Variants in DEPDC5 observed in about 807,000 individuals in gnomAD.
DEPDC5 encodes the protein DEP domain containing 5, GATOR1 subcomplex subunit, also known as GATOR1 complex protein DEPDC5.
DEPDC5 carries 73 observed loss-of-function variants against 217.3 expected under a neutral mutation model. The ratio of observed to expected loss-of-function variants is 0.34; its 90% CI spans 0.28 to 0.41. DEPDC5 has a LOEUF of 0.41. DEPDC5 is among the 10% of genes least tolerant of loss of function. The probability of loss-of-function intolerance (pLI) is 1.00; values close to 1 mark genes in which losing one functional copy is unlikely to be tolerated. For missense variants in DEPDC5, 1,675 were observed against 2,070.1 expected (o/e 0.81, Z 3.70); for synonymous variants, 733 against 756.7 (o/e 0.97, Z 0.51).
chr22:31,758,625 T>C lies in DEPDC5; in HGVS notation c.138T>C (p.Asp46=). The C allele has an allele frequency of 1.9e-6, 3 of 1,613,974 alleles. No homozygotes were observed. Among genetic ancestry groups the C allele is most frequent in the Non-Finnish European group, 2.5e-6 (3 of 1,179,892 alleles). ...GDIVEIAHPN[D]EYSPLLLQVK... ...TTGTAGAGATTGCACACCCCAACGA[T>C]GAATACAGGTGAGTGTCTCATAGGA... is the stretch of plus-strand genomic sequence containing the variant. Residue 46 remains aspartate (D), a synonymous_variant, in exon 3 of 43, where the codon GAT becomes GAC. Transcript: ENST00000651528.
At chr22:31,864,812 C>T (rs747064014) in intron 33 of DEPDC5, among the ~76,000 whole-genome samples, 18 of 152,148 alleles carry the variant, frequency 1.2e-4, no homozygotes, top group Middle Eastern at 3.4e-3. Context: ...CCTCAGCCTC[C>T]CAGGTAGCTA....
chr22:31,800,866 C>T (rs901008766), intron 14 of DEPDC5, among the ~76,000 whole-genome samples: 1 of 151,970 alleles, frequency 6.6e-6, no homozygotes, highest in African/African-American at 2.4e-5. Context: ...ATCTCAGCTA[C>T]TCAGGAGGCT....
chr22:31,805,651 C>T (rs1349345253), intron 17 of DEPDC5, among the ~76,000 whole-genome samples: 11 of 152,230 alleles, frequency 7.2e-5, no homozygotes, highest in African/African-American at 2.4e-4. Context: ...CAGGTGCCTG[C>T]CGCCACGCCC....
intron 33 of DEPDC5, 127 bp from the exon 34 acceptor site, chr22:31,870,463 G>A: frequency 9.4e-7 from 1 of 1,065,174 alleles, no homozygotes; most frequent in Non-Finnish European, 1.3e-6. Context: ...AGAATGGGAA[G>A]GATTGCATTA....
At chr22:31,828,910 T>G (rs2090374213) in intron 24 of DEPDC5, among the ~76,000 whole-genome samples, 1 of 152,270 alleles carries the variant, frequency 6.6e-6, no homozygotes, top group African/African-American at 2.4e-5. Flanking sequence ...AGCCGTCTTG[T>G]GGGGGATTGA....
At chr22:31,805,712 C>T (rs930147152) in intron 17 of DEPDC5, among the ~76,000 whole-genome samples, 6 of 151,968 alleles carry the variant, frequency 3.9e-5, no homozygotes, top group African/African-American at 1.5e-4. Flanking sequence ...TGTTGGCCAA[C>T]CTGGTCTTGA....
At chr22:31,826,127 C>T (rs1354100799) in intron 24 of DEPDC5, among the ~76,000 whole-genome samples, 1 of 152,102 alleles carries the variant, frequency 6.6e-6, no homozygotes, top group Non-Finnish European at 1.5e-5. Flanking sequence ...CTGCCTCAGC[C>T]TCCCAAGTAG....
chr22:31,883,634 T>G (rs1345232551), intron 38 of DEPDC5, among the ~76,000 whole-genome samples: 1 of 152,222 alleles, frequency 6.6e-6, no homozygotes, highest in East Asian at 1.9e-4. Flanking sequence ...TTTAGGAAAC[T>G]GTGAGGCTCA....
chr22:31,879,067 T>TACAC (rs1190686323), intron 37 of DEPDC5, among the ~76,000 whole-genome samples: 30 of 133,956 alleles, frequency 2.2e-4, no homozygotes, highest in African/African-American at 8.1e-4. Context: ...TATATATATA[T>TACAC]ACACACACAC....
intron 2 of DEPDC5, 77 bp downstream of exon 2, chr22:31,755,056 C>G (rs978816489): frequency 3.9e-6 from 6 of 1,543,426 alleles, no homozygotes; most frequent in Non-Finnish European, 5.4e-6. Flanking sequence ...AAATTACACA[C>G]TGACTCGTGT....
intron 32 of DEPDC5, among the ~76,000 whole-genome samples, chr22:31,859,829 TCTG>T (rs1198168433): frequency 1.3e-5 from 2 of 152,214 alleles, no homozygotes; most frequent in Non-Finnish European, 2.9e-5. Context: ...TAAGGAATGA[TCTG>T]CTGACCATGA....
chr22:31,844,358 C>T (rs2091587376), intron 29 of DEPDC5, among the ~76,000 whole-genome samples: 1 of 152,186 alleles, frequency 6.6e-6, no homozygotes, highest in Admixed American at 6.5e-5. Context: ...AGTGCCACTG[C>T]ACCCTAGCCT....
intron 38 of DEPDC5, among the ~76,000 whole-genome samples, chr22:31,886,376 G>T (rs1420262849): frequency 6.6e-6 from 1 of 152,140 alleles, no homozygotes; most frequent in Non-Finnish European, 1.5e-5. Flanking sequence ...ATGCAGGCTG[G>T]TAAAACCCTC....
At chr22:31,806,003 G>A in intron 17 of DEPDC5, 119 bp from the exon 18 acceptor site, 1 of 770,414 alleles carries the variant, frequency 1.3e-6, no homozygotes, top group Non-Finnish European at 2.1e-6. Flanking sequence ...GGGAAGATTA[G>A]TGAAGCTGAG....
At chr22:31,823,376 CAAA>C (rs2089877898) in intron 24 of DEPDC5, among the ~76,000 whole-genome samples, 1 of 151,760 alleles carries the variant, frequency 6.6e-6, no homozygotes, top group Non-Finnish European at 1.5e-5. Context: ...ACCAAAAACA[CAAA>C]AAGATTAGCC....
chr22:31,843,935 GAC>G (rs2091555548), intron 29 of DEPDC5, 123 bp downstream of exon 29: 2 of 1,149,458 alleles, frequency 1.7e-6, no homozygotes, highest in African/African-American at 1.6e-5. Context: ...TTTGTAAAGA[GAC>G]AGGGTTGACT....
intron 41 of DEPDC5, among the ~76,000 whole-genome samples, chr22:31,902,346 C>T (rs1206831758): frequency 6.7e-6 from 1 of 149,778 alleles, no homozygotes; most frequent in East Asian, 1.9e-4. Flanking sequence ...AAAACAAAGC[C>T]CCTTGTTCTT....
At chr22:31,797,506 T>G in intron 12 of DEPDC5, 94 bp from the exon 13 acceptor site, 2 of 988,028 alleles carry the variant, frequency 2.0e-6, no homozygotes, top group Non-Finnish European at 3.2e-6. Flanking sequence ...CCTCGACACA[T>G]GGGTATTACA....
At chr22:31,822,542 A>C (rs1224324081) in intron 23 of DEPDC5, 151 bp from the exon 24 acceptor site, 3 of 678,924 alleles carry the variant, frequency 4.4e-6, no homozygotes, top group Non-Finnish European at 7.5e-6. Flanking sequence ...TGGTGGCTTA[A>C]GATAAGGATT....
Sources: allele counts gnomAD v4.1 joint callset (sites outside exome capture counted in the v4.1 genomes callset), GRCh38; gene constraint gnomAD v4.1.1; transcripts MANE v1.5; gene names NCBI Gene and HGNC (gene_info 2026-07-23, HGNC 2026-07-21).